Variants in NALCN observed in about 807,000 individuals in gnomAD.
The protein encoded by NALCN is sodium leak channel NALCN.
NALCN carries 111 observed loss-of-function variants against 225.3 expected under a neutral mutation model. That is an observed-to-expected ratio of 0.49 (90% CI 0.42 to 0.58). NALCN has a LOEUF of 0.58. Among genes scored for constraint, NALCN ranks in the 20% least tolerant of loss-of-function variants. The probability of loss-of-function intolerance (pLI) is 0.00; values close to 1 mark genes in which losing one functional copy is unlikely to be tolerated. For synonymous variants in NALCN, 764 were observed against 769.0 expected, an observed-to-expected ratio of 0.99 and a Z score of 0.11; for missense variants, 1,378 against 2,202.4, an observed-to-expected ratio of 0.63 and a Z score of 7.49.
chr13:101,219,736 A>G (rs772217809), intron 13 of NALCN, among the ~76,000 whole-genome samples: 1 of 152,212 alleles, frequency 6.6e-6, no homozygotes, highest in Non-Finnish European at 1.5e-5. Flanking sequence ...CTTGGCACTC[A>G]ATAAGTATTT....
At chr13:101,302,386 T>C (rs2044004879) in intron 7 of NALCN, among the ~76,000 whole-genome samples, 1 of 151,974 alleles carries the variant, frequency 6.6e-6, no homozygotes, top group African/African-American at 2.4e-5. Flanking sequence ...TCAACCAAGA[T>C]TGGAAATAAA....
chr13:101,374,621 A>G (rs1447884459), intron 6 of NALCN, among the ~76,000 whole-genome samples: 2 of 152,158 alleles, frequency 1.3e-5, no homozygotes, highest in Non-Finnish European at 2.9e-5. Context: ...TATGAGATGC[A>G]TGCCTTCTAA....
At chr13:101,397,955 C>A (rs1169748709) in intron 2 of NALCN, among the ~76,000 whole-genome samples, 1 of 151,974 alleles carries the variant, frequency 6.6e-6, no homozygotes, top group African/African-American at 2.4e-5. Flanking sequence ...GAAAGGGTCA[C>A]TGGGGCCAGG....
Position 101,245,342 on chromosome 13 carries a change from TAGAAA to T in NALCN, c.1267-7425_1267-7421del, listed in dbSNP as rs1008677523. Reference sequence around the variant, plus strand: ...TTTAAGAAAACTTAGAAACAATGCATAGAAAAGAAGAGAAATATTTATTTCTTCTT... The same window carrying T: ...TTTAAGAAAACTTAGAAACAATGCATAGAAGAGAAATATTTATTTCTTCTT... On this transcript the variant is annotated intron_variant, in intron 11 of 43. Coordinates refer to ENST00000251127, the MANE Select transcript of NALCN (RefSeq NM_052867.4). 5.3e-4 allele frequency among the ~76,000 whole-genome samples: 80 copies of T among 152,294 alleles called. 1 individual carries two copies. Among genetic ancestry groups the T allele is most frequent in the African/African-American group, 1.9e-3 (77 of 41,566 alleles).
intron 10 of NALCN, among the ~76,000 whole-genome samples, chr13:101,263,445 A>G (rs1160482824): frequency 1.3e-5 from 2 of 152,218 alleles, no homozygotes; most frequent in Non-Finnish European, 2.9e-5. Flanking sequence ...TTCTATTAGA[A>G]ATATTTCTGC....
intron 12 of NALCN, among the ~76,000 whole-genome samples, chr13:101,234,400 T>G (rs1429155315): frequency 6.6e-6 from 1 of 152,232 alleles, no homozygotes; most frequent in Non-Finnish European, 1.5e-5. Context: ...CACTTTGCAC[T>G]AAACATTACT....
chr13:101,057,911 C>A, intron 43 of NALCN, 28 bp downstream of exon 43: 1 of 1,555,734 alleles, frequency 6.4e-7, no homozygotes, highest in South Asian at 1.1e-5. Context: ...ATGCCTCGAT[C>A]GCTGGAGAAA....
At chr13:101,234,310 A>G (rs2041467295) in intron 12 of NALCN, among the ~76,000 whole-genome samples, 4 of 152,110 alleles carry the variant, frequency 2.6e-5, no homozygotes, top group Admixed American at 2.6e-4. Flanking sequence ...ACATAGTAGA[A>G]GCTCAGAAAT....
In NALCN at chr13:101,142,459, A is replaced by T. The variant is rs185095135; in HGVS notation, c.2118+621T>A. Among the ~76,000 whole-genome samples, 496 of 152,094 alleles carry T rather than the reference A, an allele frequency of 3.3e-3. 3 individuals carry two copies. Among genetic ancestry groups the T allele is most frequent in the African/African-American group, 0.011 (462 of 41,510 alleles). ...ACACAGCCCTTATATTATTTTTTTT[A>T]AAAGTGAATAAATGAAAAAGTACAT... On this transcript the variant is annotated intron_variant, in intron 17 of 43. Coordinates refer to ENST00000251127, the MANE Select transcript of NALCN (RefSeq NM_052867.4).
intron 1 of NALCN, among the ~76,000 whole-genome samples, chr13:101,405,402 T>A (rs2047589371): frequency 6.6e-6 from 1 of 152,202 alleles, no homozygotes; most frequent in South Asian, 2.1e-4. Flanking sequence ...TCCATCCACC[T>A]GCCTCATGTG....
chr13:101,271,951 T>A (rs183990607), intron 10 of NALCN, among the ~76,000 whole-genome samples: 1 of 151,288 alleles, frequency 6.6e-6, no homozygotes, highest in East Asian at 1.9e-4. Flanking sequence ...TGTGTGTGCA[T>A]GAGCATGTGC....
intron 17 of NALCN, among the ~76,000 whole-genome samples, chr13:101,125,380 TAATA>T (rs1283348908): frequency 6.6e-6 from 1 of 152,110 alleles, no homozygotes; most frequent in African/African-American, 2.4e-5. Flanking sequence ...AGATTCACAA[TAATA>T]AATAACTAGA....
At chr13:101,379,783 A>G (rs919516954) in intron 3 of NALCN, among the ~76,000 whole-genome samples, 5 of 152,182 alleles carry the variant, frequency 3.3e-5, no homozygotes, top group Non-Finnish European at 7.4e-5. Flanking sequence ...TTGATGGTGC[A>G]GCAAACCACC....
At chr13:101,358,755 T>C (rs940832118) in intron 6 of NALCN, among the ~76,000 whole-genome samples, 3 of 152,202 alleles carry the variant, frequency 2.0e-5, no homozygotes, top group African/African-American at 4.8e-5. Context: ...CGTATGTTTC[T>C]TGCAACACTA....
At chr13:101,411,256 A>G (rs1259222759) in intron 1 of NALCN, among the ~76,000 whole-genome samples, 2 of 151,446 alleles carry the variant, frequency 1.3e-5, no homozygotes, top group African/African-American at 4.9e-5. Flanking sequence ...GCTGACTCCC[A>G]ATACCATTTT....
intron 42 of NALCN, chr13:101,058,828 A>G (rs2031584669): frequency 6.6e-6 from 1 of 152,192 alleles, no homozygotes; most frequent in African/African-American, 2.4e-5. Flanking sequence ...CTTCAGGGTG[A>G]CCAGTGGCAA....
At chr13:101,172,397 C>T (rs927446014) in intron 15 of NALCN, among the ~76,000 whole-genome samples, 2 of 151,638 alleles carry the variant, frequency 1.3e-5, no homozygotes, top group African/African-American at 2.4e-5. Context: ...TCCTACTTCA[C>T]TTCTTCCTTC....
chr13:101,406,313 G>A (rs2047623102), intron 1 of NALCN, among the ~76,000 whole-genome samples: 1 of 152,030 alleles, frequency 6.6e-6, no homozygotes, highest in African/African-American at 2.4e-5. Flanking sequence ...GTGACAGAGT[G>A]AGACTCTGTC....
intron 12 of NALCN, among the ~76,000 whole-genome samples, chr13:101,230,535 T>C (rs1331629814): frequency 6.6e-6 from 1 of 152,222 alleles, no homozygotes. Flanking sequence ...GGAAATGATT[T>C]GTACAAGTTT....
Sources: allele counts gnomAD v4.1 joint callset (sites outside exome capture counted in the v4.1 genomes callset), GRCh38; gene constraint gnomAD v4.1.1; transcripts MANE v1.5; gene names NCBI Gene and HGNC (gene_info 2026-07-23, HGNC 2026-07-21).